The following CELF2 variants were observed in gnomAD, a reference collection of about 807,000 sequenced individuals.
CELF2 encodes CUGBP Elav-like family member 2, also known as CUG triplet repeat RNA-binding protein 2.
CELF2 carries 8 observed loss-of-function variants against 62.6 expected under a neutral mutation model. The ratio of observed to expected loss-of-function variants is 0.13; its 90% CI spans 0.07 to 0.23. The LOEUF (loss-of-function observed/expected upper bound fraction) is 0.23. CELF2 is among the 10% of genes least tolerant of loss of function. CELF2 has a pLI of 1.00. For synonymous variants in CELF2, 258 were observed against 250.0 expected, an observed-to-expected ratio of 1.03 and a Z score of -0.30; for missense variants, 333 against 671.0, an observed-to-expected ratio of 0.50 and a Z score of 5.56.
At chr10:11,197,070 G>GGAAA (rs1268879099) in intron 2 of CELF2, among the ~76,000 whole-genome samples, 2,476 of 78,026 alleles carry the variant, frequency 0.032, 347 homozygotes, top group African/African-American at 0.13. Context: ...AAGAAAGAAA[G>GGAAA]GAAAGAAAGA....
At chr10:10,794,316 T>C (rs2054016945), upstream of CELF2, among the ~76,000 whole-genome samples, 1 of 151,912 alleles carries the variant, frequency 6.6e-6, no homozygotes, top group African/African-American at 2.4e-5. Flanking sequence ...GAGAGCTTAC[T>C]CACCTGAGAA....
chr10:10,634,836 T>C, the CELF2 span, among the ~76,000 whole-genome samples: 1 of 152,002 alleles, frequency 6.6e-6, no homozygotes, highest in Non-Finnish European at 1.5e-5. Context: ...TAATCTTTTG[T>C]ATATTTAGTA....
At chr10:10,729,407 C>T in the CELF2 span, among the ~76,000 whole-genome samples, 2 of 152,230 alleles carry the variant, frequency 1.3e-5, no homozygotes, top group African/African-American at 4.8e-5. Context: ...TGTTTTTCCT[C>T]GCAACGGCTG....
At chr10:10,488,562 T>C in the CELF2 span, among the ~76,000 whole-genome samples, 2 of 152,140 alleles carry the variant, frequency 1.3e-5, no homozygotes, top group Admixed American at 6.5e-5. Context: ...TAATCATGTA[T>C]TTTACTAATA....
At chr10:11,103,191 G>A (rs987968448) in intron 1 of CELF2, among the ~76,000 whole-genome samples, 3 of 151,888 alleles carry the variant, frequency 2.0e-5, no homozygotes, top group East Asian at 3.9e-4. Flanking sequence ...ATCAGAATTC[G>A]AAAAAAATCC....
chr10:11,303,806 A>G (rs2093978475), intron 9 of CELF2, among the ~76,000 whole-genome samples: 1 of 152,212 alleles, frequency 6.6e-6, no homozygotes. Context: ...CCACATCAAC[A>G]TAATGCTGAC....
At chr10:10,476,422 G>A in the CELF2 span, among the ~76,000 whole-genome samples, 6 of 152,120 alleles carry the variant, frequency 3.9e-5, no homozygotes, top group Non-Finnish European at 2.9e-5. Flanking sequence ...ACAGTATTAT[G>A]ATGTCTATTC....
In CELF2 at chr10:11,321,009, T is replaced by C. The variant is rs980573861; in HGVS notation, c.1097-180T>C. 1.5e-6 allele frequency: 2 copies of C among 1,372,978 alleles called. No individual in the cohort carries two copies. Among genetic ancestry groups the C allele is most frequent in the Admixed American group, 4.5e-5 (2 of 44,330 alleles). The allele number at this position is 1,372,978 out of a possible 1,614,324, so 85.0% of individuals were successfully genotyped here. ...GAGGGTTCTCATGGCTTAGGTCATTTTCCCCCATTATCACGATTTATTTCT... is the reference window on the plus strand; with the variant it reads ...GAGGGTTCTCATGGCTTAGGTCATTCTCCCCCATTATCACGATTTATTTCT... On this transcript the variant is annotated intron_variant, in intron 10 of 12. Transcript: ENST00000633077. The surrounding 1 kb of genome is among the most constrained non-coding windows in gnomAD (Gnocchi z 6.2).
rs1416173379 is a variant in CELF2 at position 11,191,326 on chromosome 10, G to A, written c.271+25644G>A. 6.6e-6 allele frequency among the ~76,000 whole-genome samples: 1 copy of A among 152,218 alleles called. No individual in the cohort carries two copies. Among genetic ancestry groups the A allele is most frequent in the East Asian group, 1.9e-4 (1 of 5,200 alleles). ...AAGGGGCCATGCTCTGTTGATCTCA[G>A]CCAGTTGAAGCTGATGCCTCTGTCC... On this transcript the variant is annotated intron_variant, in intron 2 of 12. Coordinates refer to ENST00000633077, the MANE Select transcript of CELF2 (RefSeq NM_001326342.2). The surrounding 1 kb of genome is among the most constrained non-coding windows in gnomAD (Gnocchi z 4.1).
intron 1 of CELF2, among the ~76,000 whole-genome samples, chr10:10,800,880 C>G (rs911710342): frequency 4.6e-5 from 7 of 151,878 alleles, no homozygotes; most frequent in South Asian, 2.1e-4. Flanking sequence ...GATTACTAAC[C>G]TGTCTCTAAA....
At chr10:11,212,590 A>T (rs1435584770) in intron 2 of CELF2, among the ~76,000 whole-genome samples, 1 of 152,166 alleles carries the variant, frequency 6.6e-6, no homozygotes, top group Non-Finnish European at 1.5e-5. Flanking sequence ...TGGACCTAAG[A>T]CTGTGATATT....
the CELF2 span, among the ~76,000 whole-genome samples, chr10:10,508,570 C>T: frequency 6.6e-6 from 1 of 152,062 alleles, no homozygotes; most frequent in Non-Finnish European, 1.5e-5. Context: ...CAATAGTCCA[C>T]AGGGAGAAAT....
chr10:10,829,757 G>A (rs187376701), intron 1 of CELF2, among the ~76,000 whole-genome samples: 3 of 152,300 alleles, frequency 2.0e-5, no homozygotes, highest in East Asian at 1.9e-4. Flanking sequence ...AAAACAGAGA[G>A]GATGGGGTGA....
chr10:11,112,908 T>C (rs912280335), intron 1 of CELF2, among the ~76,000 whole-genome samples: 10 of 152,162 alleles, frequency 6.6e-5, no homozygotes, highest in Non-Finnish European at 8.8e-5. Context: ...GCGTAGCCCA[T>C]GTCTGAAGCT....
the CELF2 span, among the ~76,000 whole-genome samples, chr10:10,487,396 C>G: frequency 1.3e-5 from 2 of 152,158 alleles, no homozygotes; most frequent in Non-Finnish European, 2.9e-5. Context: ...CAAACAGCAG[C>G]CTGGTTGATT....
intron 1 of CELF2, among the ~76,000 whole-genome samples, chr10:10,813,360 G>T (rs2056126060): frequency 6.6e-6 from 1 of 152,156 alleles, no homozygotes; most frequent in South Asian, 2.1e-4. Context: ...ATTTTGTTTT[G>T]TGCTAGTTTT....
intron 1 of CELF2, among the ~76,000 whole-genome samples, chr10:11,040,189 T>C (rs2061587508): frequency 6.6e-6 from 1 of 152,220 alleles, no homozygotes; most frequent in South Asian, 2.1e-4. Flanking sequence ...GCATTTCATT[T>C]ATGTATCTGA....
At chr10:11,218,887 A>G (rs1298742528) in intron 3 of CELF2, among the ~76,000 whole-genome samples, 1 of 152,200 alleles carries the variant, frequency 6.6e-6, no homozygotes, top group Non-Finnish European at 1.5e-5. Flanking sequence ...GTTGGGTCAC[A>G]TTGTGGAATG....
chr10:10,778,302 T>C, the CELF2 span, among the ~76,000 whole-genome samples: 1 of 152,200 alleles, frequency 6.6e-6, no homozygotes, highest in East Asian at 1.9e-4. Context: ...AATGCCTTCC[T>C]GCATGGATGT....
Sources: allele counts gnomAD v4.1 joint callset (sites outside exome capture counted in the v4.1 genomes callset), GRCh38; gene constraint gnomAD v4.1.1; non-coding constraint Gnocchi (gnomAD v3.1); transcripts MANE v1.5; gene names NCBI Gene and HGNC (gene_info 2026-07-23, HGNC 2026-07-21).